SRPK2: variants seen among roughly 807,000 people sequenced by gnomAD.
The protein encoded by SRPK2 is SFRS protein kinase 2.
Under a neutral mutation model 90.8 loss-of-function variants are expected in SRPK2, and 21 were observed. The observed-to-expected ratio is 0.23, with a 90% CI of 0.16 to 0.33. The LOEUF is 0.33. Ranked by LOEUF, SRPK2 falls within the 10% of genes least tolerant of loss-of-function variation. SRPK2 has a pLI of 1.00. For synonymous variants in SRPK2, 288 were observed against 311.1 expected (o/e 0.93, Z 0.78); for missense variants, 620 against 869.0 (o/e 0.71, Z 3.60).
At chr7:105,199,495 G>C (rs540480826) in intron 3 of SRPK2, among the ~76,000 whole-genome samples, 10 of 152,262 alleles carry the variant, frequency 6.6e-5, no homozygotes, top group African/African-American at 2.2e-4. Context: ...CCCAAGCCAT[G>C]AGGCAGGGCC....
chr7:105,307,801 C>T (rs1379809912), intron 2 of SRPK2, among the ~76,000 whole-genome samples: 6 of 152,080 alleles, frequency 3.9e-5, no homozygotes, highest in Admixed American at 3.9e-4. Context: ...ATAACATACG[C>T]TTTATCTTTT....
chr7:105,246,463 T>C (rs772006672), intron 2 of SRPK2, among the ~76,000 whole-genome samples: 8 of 152,204 alleles, frequency 5.3e-5, no homozygotes, highest in South Asian at 2.1e-4. Flanking sequence ...GCTGGACATA[T>C]AGATCTGTGG....
chr7:105,194,046 C>G (rs769895032), intron 3 of SRPK2, among the ~76,000 whole-genome samples: 2 of 152,112 alleles, frequency 1.3e-5, no homozygotes, highest in Non-Finnish European at 2.9e-5. Flanking sequence ...TGAAGCTGGT[C>G]TTTTCATTTT....
At chr7:105,215,471 C>G (rs1452755517) in intron 2 of SRPK2, among the ~76,000 whole-genome samples, 1 of 152,196 alleles carries the variant, frequency 6.6e-6, no homozygotes, top group East Asian at 1.9e-4. Flanking sequence ...TATGATGCAG[C>G]AATTCCACTC....
At chr7:105,191,728 A>G (rs943257514) in intron 3 of SRPK2, among the ~76,000 whole-genome samples, 2 of 152,024 alleles carry the variant, frequency 1.3e-5, no homozygotes, top group Non-Finnish European at 2.9e-5. Context: ...CGGTACCTCC[A>G]TAACATTGTT....
intron 3 of SRPK2, among the ~76,000 whole-genome samples, chr7:105,186,146 T>A (rs1180947458): frequency 6.6e-6 from 1 of 152,222 alleles, no homozygotes; most frequent in Admixed American, 6.5e-5. Context: ...TCTATGAATG[T>A]TGTATCATTT....
intron 2 of SRPK2, among the ~76,000 whole-genome samples, chr7:105,239,045 A>G (rs1232524203): frequency 6.6e-6 from 1 of 152,200 alleles, no homozygotes; most frequent in Non-Finnish European, 1.5e-5. Flanking sequence ...TTCTCCTAAT[A>G]AGCAAGCCAA....
At chr7:105,201,964 C>T (rs1229804988) in intron 3 of SRPK2, among the ~76,000 whole-genome samples, 1 of 152,194 alleles carries the variant, frequency 6.6e-6, no homozygotes, top group Non-Finnish European at 1.5e-5. Context: ...AAATCGAAGA[C>T]AGTATAAGAA....
rs528962540 is a variant in SRPK2, at chr7:105,272,583, A to G, written c.72-68798T>C. On this transcript the variant is annotated intron_variant, in intron 2 of 15. Coordinates refer to ENST00000393651, the MANE Select transcript of SRPK2 (RefSeq NM_182692.3). Reference sequence around the variant, plus strand: ...TTTGCAAGACCGTTATCTTCCATGCAGCCCTTAAATGCTGGTAATACCTGT... The same window carrying G: ...TTTGCAAGACCGTTATCTTCCATGCGGCCCTTAAATGCTGGTAATACCTGT... Among the ~76,000 whole-genome samples, 19 of 152,124 alleles carry G rather than the reference A, an allele frequency of 1.2e-4. No homozygotes were observed. In the East Asian group the frequency reaches 2.5e-3, roughly 20 times the overall value.
chr7:105,246,009 G>A (rs750088417), intron 2 of SRPK2, among the ~76,000 whole-genome samples: 13 of 152,276 alleles, frequency 8.5e-5, no homozygotes, highest in African/African-American at 2.9e-4. Context: ...TAGGAAGCCT[G>A]GCAGAGAGAG....
At chr7:105,130,976 T>C (rs1175187569) in intron 13 of SRPK2, among the ~76,000 whole-genome samples, 2 of 152,138 alleles carry the variant, frequency 1.3e-5, no homozygotes, top group East Asian at 3.8e-4. Flanking sequence ...TTCACAGCAA[T>C]AGCATTTCAA....
chr7:105,118,005 T>A lies in SRPK2; in HGVS notation c.1933A>T (p.Thr645Ser), dbSNP rs778188164. Reference protein sequence around the residue: ...FNRRGELRHITKLKPWSLFDV... With the variant: ...FNRRGELRHISKLKPWSLFDV... The stretch of plus-strand genomic sequence containing the variant: ...AAGAGGCTCCAGGGCTTCAGCTTGG[T>A]GATGTGTCGCAGTTCTCCTACAGGG... Residue 645 changes from threonine to serine, a missense_variant, in exon 16 of 16, where the codon ACC becomes TCC. Thr to Ser is a moderately conservative substitution (Grantham distance 58, BLOSUM62 1). This residue lies in a region of SRPK2 where 71 missense variants were observed against 123.1 expected (regional missense o/e 0.58). Coordinates refer to ENST00000393651, the MANE Select transcript of SRPK2 (RefSeq NM_182692.3). 6.2e-7 allele frequency: 1 copy of A among 1,613,994 alleles called. No homozygotes were observed. Among genetic ancestry groups the A allele is most frequent in the South Asian group, 1.1e-5 (1 of 91,078 alleles).
intron 2 of SRPK2, among the ~76,000 whole-genome samples, chr7:105,233,328 C>T (rs896117512): frequency 6.6e-6 from 1 of 152,118 alleles, no homozygotes; most frequent in Non-Finnish European, 1.5e-5. Context: ...ACAAAATATG[C>T]AAGACTTCAT....
At chr7:105,289,307 C>T (rs1041662148) in intron 2 of SRPK2, among the ~76,000 whole-genome samples, 2 of 151,732 alleles carry the variant, frequency 1.3e-5, no homozygotes, top group South Asian at 2.1e-4. Flanking sequence ...TAAAAAATAA[C>T]TTCCTTCCAG....
intron 2 of SRPK2, among the ~76,000 whole-genome samples, chr7:105,325,941 C>A (rs1006467076): frequency 2.6e-5 from 4 of 152,208 alleles, no homozygotes; most frequent in African/African-American, 9.7e-5. Flanking sequence ...GAATCCTGCC[C>A]AGGCGGAAAA....
chr7:105,225,684 T>TA (rs1283470648), intron 2 of SRPK2, among the ~76,000 whole-genome samples: 4 of 152,202 alleles, frequency 2.6e-5, no homozygotes, highest in Admixed American at 6.5e-5. Flanking sequence ...AGGCTGTTTC[T>TA]AAAAAACAAG....
chr7:105,160,928 C>T (rs1270376633), intron 6 of SRPK2, among the ~76,000 whole-genome samples: 1 of 151,908 alleles, frequency 6.6e-6, no homozygotes, highest in African/African-American at 2.4e-5. Context: ...CTTCCATATA[C>T]TTTATTTTTA....
At chr7:105,283,364 T>C (rs6963624) in intron 2 of SRPK2, among the ~76,000 whole-genome samples, 65,870 of 152,078 alleles carry the variant, frequency 0.43, 15,683 homozygotes, top group Non-Finnish European at 0.53. Flanking sequence ...GCAGCATTAC[T>C]CATAATAATC....
chr7:105,118,080 T>G, intron 15 of SRPK2, 58 bp from the exon 16 acceptor site: 6 of 1,589,948 alleles, frequency 3.8e-6, no homozygotes, highest in African/African-American at 1.3e-5. Context: ...TTCCCCATTG[T>G]TGGTCCAGTC....
Sources: allele counts gnomAD v4.1 joint callset (sites outside exome capture counted in the v4.1 genomes callset), GRCh38; gene constraint gnomAD v4.1.1; regional missense constraint gnomAD v4.1.1; transcripts MANE v1.5; gene names NCBI Gene and HGNC (gene_info 2026-07-23, HGNC 2026-07-21).